ARMC9: variants seen among roughly 807,000 people sequenced by gnomAD.
ARMC9 encodes the protein armadillo repeat containing 9, also known as lisH domain-containing protein ARMC9.
ARMC9 carries 94 observed loss-of-function variants against 107.0 expected under a neutral mutation model. The ratio of observed to expected loss-of-function variants is 0.88; its 90% CI spans 0.74 to 1.04. The LOEUF (loss-of-function observed/expected upper bound fraction) is 1.04, where lower values mean the gene tolerates loss of function less well. Among genes scored for constraint, ARMC9 ranks in the 50% least tolerant of loss-of-function variants. ARMC9 has a pLI of 0.00. For missense variants in ARMC9, 942 were observed against 1,030.1 expected (o/e 0.91, Z 1.17); for synonymous variants, 380 against 396.9 (o/e 0.96, Z 0.51).
intron 18 of ARMC9, chr2:231,294,830 G>A (rs1456636363): frequency 6.6e-6 from 1 of 152,274 alleles, no homozygotes; most frequent in African/African-American, 2.4e-5. Flanking sequence ...AAGCAGAGTG[G>A]CATCACATCT....
At chr2:231,284,890 TG>T (rs1271177724) in intron 17 of ARMC9, among the ~76,000 whole-genome samples, 1 of 152,186 alleles carries the variant, frequency 6.6e-6, no homozygotes. Flanking sequence ...TTCTCAATTT[TG>T]GTTTGTCTTT....
intron 7 of ARMC9, among the ~76,000 whole-genome samples, chr2:231,228,224 A>C (rs1304110068): frequency 6.6e-6 from 1 of 152,204 alleles, no homozygotes; most frequent in Non-Finnish European, 1.5e-5. Context: ...CCACTGTTCC[A>C]TTGCTGCCTG....
chr2:231,272,548 G>C (rs138581084), intron 13 of ARMC9, among the ~76,000 whole-genome samples: 1 of 148,934 alleles, frequency 6.7e-6, no homozygotes, highest in African/African-American at 2.6e-5. Context: ...ATGGAGTCTC[G>C]CTCCGTCATT....
At chr2:231,267,089 CAGTT>C (rs2038917013) in intron 12 of ARMC9, among the ~76,000 whole-genome samples, 1 of 152,170 alleles carries the variant, frequency 6.6e-6, no homozygotes, top group African/African-American at 2.4e-5. Context: ...TTTGGGATGA[CAGTT>C]AGACATAGCC....
At chr2:231,258,469 C>A (rs1002939189) in intron 10 of ARMC9, among the ~76,000 whole-genome samples, 19 of 152,284 alleles carry the variant, frequency 1.2e-4, no homozygotes, top group African/African-American at 4.6e-4. Flanking sequence ...GCCTGAGCCA[C>A]CACGCCCGGC....
chr2:231,209,969 C>A (rs951379410), intron 3 of ARMC9, among the ~76,000 whole-genome samples: 11 of 152,242 alleles, frequency 7.2e-5, no homozygotes, highest in African/African-American at 2.7e-4. Flanking sequence ...TAGGCATGAG[C>A]CACTGCACCT....
At position 231,206,272 on chromosome 2, in the gene ARMC9, C is replaced by T; in HGVS notation, c.34C>T (p.Leu12Phe). 1 of 1,613,578 alleles carries T rather than the reference C, an allele frequency of 6.2e-7. No individual in the cohort carries two copies. Among genetic ancestry groups the T allele is most frequent in the Non-Finnish European group, 8.5e-7 (1 of 1,179,528 alleles). ...CATTCTGGCTCATGAATCTGAATTA[C>T]TTGGACTAGTGAAAGAGGTAGGTAT... ...GDILAHESELLGLVKEYLDFA... is the reference protein window; with the variant it reads ...GDILAHESELFGLVKEYLDFA... The change falls in exon 2 of 25, where the codon CTT becomes TTT. Residue 12 changes from leucine to phenylalanine, a missense_variant. Physicochemically the swap from Leu to Phe is conservative, Grantham distance 22 (BLOSUM62 0). Coordinates refer to ENST00000611582, the MANE Select transcript of ARMC9 (RefSeq NM_001352754.2).
intron 9 of ARMC9, 126 bp from the exon 10 acceptor site, chr2:231,256,460 A>C (rs1574826569): frequency 5.1e-4 from 443 of 860,664 alleles, no homozygotes; most frequent in South Asian, 1.9e-3. Flanking sequence ...AAAAAAAACC[A>C]AAAAAAAAAA....
chr2:231,328,830 T>TTTTTTTTTTTTTTTTTTTTTTTTTTTTTG (rs1208039563), intron 19 of ARMC9, among the ~76,000 whole-genome samples: 1 of 144,764 alleles, frequency 6.9e-6, no homozygotes, highest in African/African-American at 2.5e-5. Context: ...TTTTTTTTTT[T>TTTTTTTTTTTTTTTTTTTTTTTTTTTTTG]TTGAGTCGGA....
intron 23 of ARMC9, among the ~76,000 whole-genome samples, chr2:231,361,461 A>G (rs1477785832): frequency 7.9e-6 from 1 of 125,874 alleles, no homozygotes; most frequent in Non-Finnish European, 1.6e-5. Flanking sequence ...TCAAAAAACT[A>G]AAAAAAAAAA....
intron 19 of ARMC9, among the ~76,000 whole-genome samples, chr2:231,327,293 G>A (rs556718673): frequency 8.5e-4 from 130 of 152,194 alleles, no homozygotes; most frequent in African/African-American, 2.6e-3. Flanking sequence ...AGATCAGAAC[G>A]TTTCCATCAC....
chr2:231,211,542 A>G (rs915388320), intron 3 of ARMC9, among the ~76,000 whole-genome samples: 1 of 152,080 alleles, frequency 6.6e-6, no homozygotes, highest in Non-Finnish European at 1.5e-5. Flanking sequence ...CAAAAAAAAA[A>G]AAATAGTGCT....
chr2:231,265,629 G>T (rs1431995977), intron 12 of ARMC9, among the ~76,000 whole-genome samples: 1 of 151,760 alleles, frequency 6.6e-6, no homozygotes, highest in Non-Finnish European at 1.5e-5. Flanking sequence ...AGTCTCAGAA[G>T]TCACCACTAA....
At position 231,342,165 on chromosome 2, in the gene ARMC9, C is replaced by G. The variant is rs2044556332; in HGVS notation, c.1879-2810C>G. ...GAGGGGAAGCCCAGGCCAGCAAGAA[C>G]AGGCTGGGAAGCAGCTGCACTGCCA... is the stretch of plus-strand genomic sequence containing the variant. On this transcript the variant is annotated intron_variant, in intron 20 of 24. Transcript: ENST00000611582. Among the ~76,000 whole-genome samples the G allele has an allele frequency of 3.9e-5, 6 of 152,212 alleles. 1 individual carries two copies.
chr2:231,212,062 T>C (rs771585089), intron 3 of ARMC9, among the ~76,000 whole-genome samples: 6 of 152,234 alleles, frequency 3.9e-5, no homozygotes, highest in Non-Finnish European at 7.3e-5. Context: ...CAGCAAAATA[T>C]GCTAATTGTT....
chr2:231,215,037 G>T, intron 4 of ARMC9, 36 bp downstream of exon 4: 1 of 1,601,400 alleles, frequency 6.2e-7, no homozygotes, highest in Non-Finnish European at 8.6e-7. Flanking sequence ...GGTCTGAGTG[G>T]TGTGTTAAGG....
At chr2:231,286,053 C>T (rs6728639) in intron 17 of ARMC9, among the ~76,000 whole-genome samples, 43,655 of 152,076 alleles carry the variant, frequency 0.29, 6,629 homozygotes, top group African/African-American at 0.33. Flanking sequence ...GACATCTGAT[C>T]GTGCACGGTG....
chr2:231,289,876 G>A (rs1399780330), intron 17 of ARMC9, among the ~76,000 whole-genome samples: 6 of 152,246 alleles, frequency 3.9e-5, no homozygotes, highest in Non-Finnish European at 7.4e-5. Flanking sequence ...GCCATCACTG[G>A]GGAACCTTGT....
At chr2:231,272,500 G>GTGTTTGCTTGTT (rs1553611247) in intron 13 of ARMC9, among the ~76,000 whole-genome samples, 1 of 147,492 alleles carries the variant, frequency 6.8e-6, no homozygotes, top group African/African-American at 2.5e-5. Context: ...CAACCAGTAA[G>GTGTTTGCTTGTT]TGTTTGTTTG....
Sources: gnomAD v4.1 joint callset for allele counts (sites outside exome capture counted in the v4.1 genomes callset) on GRCh38, gnomAD v4.1.1 for gene constraint, MANE v1.5 for transcripts, NCBI Gene and HGNC (gene_info 2026-07-23, HGNC 2026-07-21) for gene names.